Variants in SAMMSON observed in about 807,000 individuals in gnomAD.
SAMMSON encodes long intergenic non-protein coding RNA 1212.
chr3:70,272,452 C>T (rs145847063), intron 6 of SAMMSON: 9 of 152,344 alleles, frequency 5.9e-5, no homozygotes, highest in African/African-American at 2.2e-4. Flanking sequence ...ATTTGCAATG[C>T]TGGGGCATAA....
chr3:70,424,876 G>A (rs1701344635), intron 2 of SAMMSON: 1 of 152,074 alleles, frequency 6.6e-6, no homozygotes, highest in African/African-American at 2.4e-5. Context: ...ACTGCAAAAT[G>A]TCTCCAGACA....
chr3:70,359,187 A>G (rs1276753461), intron 9 of SAMMSON, among the ~76,000 whole-genome samples: 2 of 152,088 alleles, frequency 1.3e-5, no homozygotes, highest in Non-Finnish European at 2.9e-5. Context: ...CCTGAAATAC[A>G]CACTTTGCCT....
chr3:70,133,244 T>A (rs1189588368), intron 4 of SAMMSON, among the ~76,000 whole-genome samples: 1 of 151,994 alleles, frequency 6.6e-6, no homozygotes, highest in Non-Finnish European at 1.5e-5. Context: ...GACTGAAGGT[T>A]GAGTTGATTA....
intron 4 of SAMMSON, among the ~76,000 whole-genome samples, chr3:70,238,939 C>T (rs891877998): frequency 9.2e-5 from 14 of 152,140 alleles, no homozygotes; most frequent in African/African-American, 3.1e-4. Context: ...TGATTAAATT[C>T]TCTAAATCTA....
intron 7 of SAMMSON, among the ~76,000 whole-genome samples, chr3:70,332,498 A>G (rs1329157696): frequency 6.6e-6 from 1 of 152,158 alleles, no homozygotes; most frequent in Admixed American, 6.5e-5. Context: ...AACTGAGCTC[A>G]CCTCTTGGAA....
chr3:70,128,226 A>G (rs1361131991), intron 4 of SAMMSON, among the ~76,000 whole-genome samples: 1 of 152,180 alleles, frequency 6.6e-6, no homozygotes, highest in African/African-American at 2.4e-5. Context: ...CTGTCTACAC[A>G]AGAAGTGCCT....
chr3:70,384,682 G>A (rs6786678), intron 9 of SAMMSON, among the ~76,000 whole-genome samples: 4,181 of 152,102 alleles, frequency 0.027, 106 homozygotes, highest in South Asian at 0.085. Flanking sequence ...CTCATCAATA[G>A]GTCAGATGCA....
intron 7 of SAMMSON, among the ~76,000 whole-genome samples, chr3:70,317,177 T>C (rs1031739791): frequency 1.3e-5 from 2 of 152,058 alleles, no homozygotes; most frequent in African/African-American, 2.4e-5. Flanking sequence ...CATGTTATAA[T>C]CCCGCAAGCA....
chr3:70,079,601 G>A (rs752993644), intron 4 of SAMMSON, among the ~76,000 whole-genome samples: 2 of 152,174 alleles, frequency 1.3e-5, no homozygotes, highest in South Asian at 2.1e-4. Flanking sequence ...TAGGCTTTGC[G>A]TTAGATAATT....
chr3:70,072,046 T>G (rs529492031), intron 4 of SAMMSON: 2 of 152,034 alleles, frequency 1.3e-5, no homozygotes, highest in South Asian at 4.2e-4. Flanking sequence ...ACAAATTACA[T>G]TTTACTGATT....
chr3:70,213,292 A>T (rs1203982401), intron 4 of SAMMSON, among the ~76,000 whole-genome samples: 4 of 152,126 alleles, frequency 2.6e-5, no homozygotes, highest in African/African-American at 9.7e-5. Flanking sequence ...GCCTGTGGAA[A>T]CAGGTAGCTT....
intron 2 of SAMMSON, among the ~76,000 whole-genome samples, chr3:70,432,397 A>T (rs968338170): frequency 2.7e-5 from 4 of 145,552 alleles, no homozygotes. Flanking sequence ...CATTTGTCAA[A>T]TATATATATA....
chr3:70,214,226 A>AT (rs1166843449), intron 4 of SAMMSON, among the ~76,000 whole-genome samples: 1 of 152,012 alleles, frequency 6.6e-6, no homozygotes, highest in Non-Finnish European at 1.5e-5. Flanking sequence ...TTTTTCTTTA[A>AT]TTTTCAAATG....
chr3:70,257,067 T>C (rs1037897375), intron 6 of SAMMSON, among the ~76,000 whole-genome samples: 3 of 152,174 alleles, frequency 2.0e-5, no homozygotes, highest in South Asian at 4.1e-4. Flanking sequence ...GATTAGAGCA[T>C]AGACCATGAA....
At chr3:70,096,772 T>C (rs1462885268) in intron 4 of SAMMSON, among the ~76,000 whole-genome samples, 1 of 152,190 alleles carries the variant, frequency 6.6e-6, no homozygotes, top group Non-Finnish European at 1.5e-5. Flanking sequence ...TTATTGTCCA[T>C]GTAGCTCCTC....
intron 4 of SAMMSON, among the ~76,000 whole-genome samples, chr3:70,220,975 T>G (rs571092762): frequency 1.4e-4 from 21 of 152,274 alleles, no homozygotes; most frequent in African/African-American, 4.3e-4. Context: ...TACTAAGTGG[T>G]AGGTAATGAC....
intron 4 of SAMMSON, among the ~76,000 whole-genome samples, chr3:70,073,262 A>T (rs1289624250): frequency 6.6e-6 from 1 of 152,078 alleles, no homozygotes. Flanking sequence ...TTCTATCCTT[A>T]TAGTCTTAGG....
intron 3 of SAMMSON, among the ~76,000 whole-genome samples, chr3:70,063,554 C>T (rs539723128): frequency 9.9e-5 from 15 of 152,222 alleles, no homozygotes; most frequent in African/African-American, 2.9e-4. Context: ...CAAAGAATTA[C>T]ATCTTTGAGC....
intron 4 of SAMMSON, among the ~76,000 whole-genome samples, chr3:70,100,527 G>C (rs112749877): frequency 7.0e-3 from 3 of 426 alleles, no homozygotes; most frequent in Admixed American, 0.036. Flanking sequence ...GGGGGGGGGG[G>C]GGGGGGAAGC....
Sources: allele counts gnomAD v4.1 joint callset (sites outside exome capture counted in the v4.1 genomes callset), GRCh38; gene constraint gnomAD v4.1.1; transcripts MANE v1.5; gene names NCBI Gene and HGNC (gene_info 2026-07-23, HGNC 2026-07-21).